Variants in RALGPS1 observed in about 807,000 individuals in gnomAD.
The protein encoded by RALGPS1 is Ral GEF with PH domain and SH3 binding motif 1, also known as ras-specific guanine nucleotide-releasing factor RalGPS1.
In RALGPS1, 19 loss-of-function variants were observed where a neutral mutation model predicts 78.8. That is an observed-to-expected ratio of 0.24 (90% CI 0.17 to 0.35). RALGPS1 has a LOEUF of 0.35. RALGPS1 is among the 10% of genes least tolerant of loss of function. The pLI, the probability that RALGPS1 is intolerant of heterozygous loss-of-function variation, is 1.00. For missense variants in RALGPS1, 454 were observed against 688.3 expected, an observed-to-expected ratio of 0.66 and a Z score of 3.81; for synonymous variants, 228 against 256.3, an observed-to-expected ratio of 0.89 and a Z score of 1.06.
chr9:126,917,845 A>T (rs1417354307), intron 1 of RALGPS1, among the ~76,000 whole-genome samples: 3 of 152,220 alleles, frequency 2.0e-5, no homozygotes, highest in Non-Finnish European at 4.4e-5. Flanking sequence ...TGGGTTTCTT[A>T]GCTGAGTGAG....
At position 127,091,863 on chromosome 9, in the gene RALGPS1, G is replaced by A; in HGVS notation, c.610+22507G>A. On this transcript the variant is annotated intron_variant, in intron 8 of 18. Transcript: ENST00000259351. This position sits in a 1 kb window ranked among gnomAD's most constrained non-coding sequence, Gnocchi z 4.3. ...AGTCCTCCATGGTCACCAGGAGTTT[G>A]TAGTTGCCTTGGTTCGTCAGCCAGT... is the stretch of plus-strand genomic sequence containing the variant. The A allele has an allele frequency of 6.2e-7, 1 of 1,614,192 alleles. No individual in the cohort carries two copies. Among genetic ancestry groups the A allele is most frequent in the Non-Finnish European group, 8.5e-7 (1 of 1,180,026 alleles).
chr9:126,986,316 T>C (rs770110917), intron 4 of RALGPS1, among the ~76,000 whole-genome samples: 2 of 152,354 alleles, frequency 1.3e-5, no homozygotes, highest in East Asian at 1.9e-4. Flanking sequence ...AATGCAGATA[T>C]AGCTTTGTAG....
At chr9:127,097,229 A>G (rs906701659) in intron 8 of RALGPS1, among the ~76,000 whole-genome samples, 6 of 152,210 alleles carry the variant, frequency 3.9e-5, no homozygotes, top group African/African-American at 1.4e-4. Flanking sequence ...CCATTTTTCA[A>G]CGATTGTAGT....
At chr9:127,070,836 C>G (rs1179840218) in intron 8 of RALGPS1, among the ~76,000 whole-genome samples, 3 of 151,652 alleles carry the variant, frequency 2.0e-5, no homozygotes, top group Non-Finnish European at 4.4e-5. Flanking sequence ...CTTTCATGAG[C>G]ATTGTTTATT....
At chr9:127,185,083 C>A (rs1207947415) in intron 11 of RALGPS1, among the ~76,000 whole-genome samples, 1 of 152,178 alleles carries the variant, frequency 6.6e-6, no homozygotes, top group Non-Finnish European at 1.5e-5. Flanking sequence ...CTCATCGTGT[C>A]CCCAGAACCT....
At position 127,020,543 on chromosome 9, in the gene RALGPS1, A is replaced by G. The variant is rs189539243; in HGVS notation, c.217-13888A>G. On this transcript the variant is annotated intron_variant, in intron 4 of 18. Transcript: ENST00000259351. Reference sequence around the variant, plus strand: ...AAACTCAGAGCAAAAACAAAGGAAGATGAATGTGATGAATTGTTTCTAGGA... The same window carrying G: ...AAACTCAGAGCAAAAACAAAGGAAGGTGAATGTGATGAATTGTTTCTAGGA... Among the ~76,000 whole-genome samples the G allele has an allele frequency of 4.6e-5, 7 of 152,382 alleles. No homozygotes were observed. The East Asian group carries it at 1.3e-3, about 29-fold the overall frequency.
intron 8 of RALGPS1, among the ~76,000 whole-genome samples, chr9:127,154,468 A>C (rs916047646): frequency 1.3e-5 from 2 of 152,196 alleles, no homozygotes; most frequent in Non-Finnish European, 2.9e-5. Flanking sequence ...ATAAATTCAC[A>C]ATCAGATGCC....
chr9:127,051,676 G>A (rs2048314560), intron 6 of RALGPS1, among the ~76,000 whole-genome samples: 1 of 152,192 alleles, frequency 6.6e-6, no homozygotes, highest in African/African-American at 2.4e-5. Context: ...ACAGAGTTGT[G>A]AGGACTAAGT....
chr9:127,037,017 G>A (rs1172264046), intron 5 of RALGPS1, among the ~76,000 whole-genome samples: 1 of 152,184 alleles, frequency 6.6e-6, no homozygotes, highest in African/African-American at 2.4e-5. Context: ...CTTATTAGCT[G>A]TATGATCTTG....
chr9:127,184,714 T>G (rs1429556740), intron 11 of RALGPS1, among the ~76,000 whole-genome samples: 1 of 152,134 alleles, frequency 6.6e-6, no homozygotes, highest in Non-Finnish European at 1.5e-5. Context: ...AGCCCCCTCC[T>G]CCAGTGAGAA....
intron 4 of RALGPS1, among the ~76,000 whole-genome samples, chr9:126,985,698 C>G (rs929370086): frequency 6.6e-6 from 1 of 152,150 alleles, no homozygotes; most frequent in Non-Finnish European, 1.5e-5. Flanking sequence ...TTCTCTCTTT[C>G]CTACTACTTA....
In RALGPS1 at chr9:127,209,218, G is replaced by A. The variant is rs147789171; in HGVS notation, c.1248-2913G>A. ...CCGGGGCTGGAAGAAGAGCAGCCCCGGAGGTAGCCGTGGCCAGTTCCCCTG... is the reference window on the plus strand; with the variant it reads ...CCGGGGCTGGAAGAAGAGCAGCCCCAGAGGTAGCCGTGGCCAGTTCCCCTG... On this transcript the variant is annotated intron_variant, in intron 14 of 18. Coordinates refer to ENST00000259351, the MANE Select transcript of RALGPS1 (RefSeq NM_014636.3). Among the ~76,000 whole-genome samples the A allele has an allele frequency of 6.9e-3, 1,045 of 152,356 alleles. 15 individuals carry two copies. Among genetic ancestry groups the A allele is most frequent in the African/African-American group, 0.024 (978 of 41,594 alleles).
At chr9:127,192,854 G>C (rs2061148302) in intron 11 of RALGPS1, among the ~76,000 whole-genome samples, 1 of 152,176 alleles carries the variant, frequency 6.6e-6, no homozygotes, top group South Asian at 2.1e-4. Flanking sequence ...GGAGAGTGTG[G>C]CATAGTGCCT....
chr9:127,018,794 T>G (rs1252740978), intron 4 of RALGPS1, among the ~76,000 whole-genome samples: 1 of 152,098 alleles, frequency 6.6e-6, no homozygotes, highest in Non-Finnish European at 1.5e-5. Flanking sequence ...GCACAGTAGG[T>G]TTGTTTACAC....
intron 14 of RALGPS1, among the ~76,000 whole-genome samples, chr9:127,199,607 T>TCTGCCTCCCTCGAGGATCCCTC (rs2061519983): frequency 1.5e-4 from 23 of 151,872 alleles, no homozygotes; most frequent in African/African-American, 5.1e-4. Flanking sequence ...CGAGGATCCC[T>TCTGCCTCCCTCGAGGATCCCTC]TGGCCCAGGG....
At chr9:127,040,201 G>T (rs977390105) in intron 5 of RALGPS1, among the ~76,000 whole-genome samples, 2 of 152,170 alleles carry the variant, frequency 1.3e-5, no homozygotes, top group African/African-American at 4.8e-5. Context: ...AGGAGTTCAA[G>T]ACCAGCCTGG....
chr9:127,117,764 G>A (rs191663868), intron 8 of RALGPS1, among the ~76,000 whole-genome samples: 28 of 152,204 alleles, frequency 1.8e-4, no homozygotes, highest in South Asian at 4.1e-4. Context: ...TTAGAGATTC[G>A]GCAGTAACTG....
At chr9:127,001,828 G>A (rs984097094) in intron 4 of RALGPS1, among the ~76,000 whole-genome samples, 7 of 152,188 alleles carry the variant, frequency 4.6e-5, no homozygotes, top group African/African-American at 1.2e-4. Flanking sequence ...AGGTTGCAGT[G>A]AGCCGAGATC....
At chr9:126,992,336 A>G (rs2133240667) in intron 4 of RALGPS1, among the ~76,000 whole-genome samples, 1 of 152,372 alleles carries the variant, frequency 6.6e-6, no homozygotes, top group Non-Finnish European at 1.5e-5. Context: ...CTGTAAAACC[A>G]TCACCATCTC....
Sources: gnomAD v4.1 joint callset for allele counts (sites outside exome capture counted in the v4.1 genomes callset) on GRCh38, gnomAD v4.1.1 for gene constraint, Gnocchi (gnomAD v3.1) non-coding constraint, MANE v1.5 for transcripts, NCBI Gene and HGNC (gene_info 2026-07-23, HGNC 2026-07-21) for gene names.